EPHA5: variants seen among roughly 807,000 people sequenced by gnomAD.
EPHA5 encodes the protein EPH receptor A5, also known as ephrin type-A receptor 5.
A neutral mutation model predicts 105.0 loss-of-function variants in EPHA5; 60 were observed. The ratio of observed to expected loss-of-function variants is 0.57; its 90% CI spans 0.46 to 0.71. The LOEUF (loss-of-function observed/expected upper bound fraction) is 0.71, where lower values mean the gene tolerates loss of function less well. Ranked by LOEUF, EPHA5 falls within the 30% of genes least tolerant of loss-of-function variation. The pLI, the probability that EPHA5 is intolerant of heterozygous loss-of-function variation, is 0.00. For missense variants in EPHA5, 1,218 were observed against 1,274.7 expected, an observed-to-expected ratio of 0.96 and a Z score of 0.68; for synonymous variants, 513 against 449.1, an observed-to-expected ratio of 1.14 and a Z score of -1.80.
At chr4:65,615,801 A>G (rs970634397) in intron 2 of EPHA5, among the ~76,000 whole-genome samples, 1 of 151,948 alleles carries the variant, frequency 6.6e-6, no homozygotes, top group Non-Finnish European at 1.5e-5. Context: ...AATGCTGATG[A>G]GAAAGTGAAG....
chr4:65,422,162 T>C (rs1724005633), intron 5 of EPHA5, among the ~76,000 whole-genome samples: 1 of 152,096 alleles, frequency 6.6e-6, no homozygotes, highest in Non-Finnish European at 1.5e-5. Flanking sequence ...TTTAAAATAC[T>C]GGTTTAGAAT....
chr4:65,420,610 T>G (rs1366971876), intron 5 of EPHA5, 45 bp from the exon 6 acceptor site: 1 of 1,585,970 alleles, frequency 6.3e-7, no homozygotes, highest in Non-Finnish European at 8.6e-7. Flanking sequence ...AATAAGGCCC[T>G]AAAAGTAAAC....
chr4:65,501,153 A>T (rs77526246), intron 3 of EPHA5, among the ~76,000 whole-genome samples: 7,251 of 151,468 alleles, frequency 0.048, 569 homozygotes, highest in African/African-American at 0.16. Context: ...GGGAATTAAA[A>T]CTCAAAACAT....
At chr4:65,595,811 A>C (rs1199085580) in intron 3 of EPHA5, among the ~76,000 whole-genome samples, 5 of 151,992 alleles carry the variant, frequency 3.3e-5, no homozygotes, top group Non-Finnish European at 5.9e-5. Context: ...CGATCTCCTG[A>C]CCTCGTGATC....
At chr4:65,475,412 A>G (rs1729697553) in intron 5 of EPHA5, among the ~76,000 whole-genome samples, 1 of 152,162 alleles carries the variant, frequency 6.6e-6, no homozygotes, top group South Asian at 2.1e-4. Context: ...TTTGTTTAGA[A>G]TCTAATAAAG....
At chr4:65,574,689 C>CATATATATACATATATATACAT (rs1365298862) in intron 3 of EPHA5, among the ~76,000 whole-genome samples, 12 of 82,952 alleles carry the variant, frequency 1.4e-4, no homozygotes, top group East Asian at 6.7e-4. Flanking sequence ...CATATATATA[C>CATATATATACATATATATACAT]ATATATATAC....
rs1371973951 is a variant in EPHA5 at position 65,669,312 on chromosome 4, AG to A, written c.181+249del. 143 of 854,116 alleles carry A rather than the reference AG, an allele frequency of 1.7e-4. No individual in the cohort carries two copies. In the Admixed American group the frequency reaches 1.8e-3, roughly 11 times the overall value. The allele number at this position is 854,116 out of a possible 1,614,324, so 52.9% of individuals were successfully genotyped here. A position where few individuals can be genotyped will look rare whatever the true frequency, so the allele number is the denominator to read the frequency against. On this transcript the variant is annotated intron_variant, in intron 1 of 16. Coordinates refer to ENST00000613740, the MANE Select transcript of EPHA5 (RefSeq NM_001281766.3). ...TTCCCCCAAGGTTTTCCACCTTCCC[AG>A]CCCCCCAACCAGCCTCTGTCCACAC...
At chr4:65,458,376 T>C (rs554403691) in intron 5 of EPHA5, among the ~76,000 whole-genome samples, 1 of 152,282 alleles carries the variant, frequency 6.6e-6, no homozygotes, top group Non-Finnish European at 1.5e-5. Flanking sequence ...TAGACCATTC[T>C]AAATCTTTTA....
chr4:65,451,535 CACTTTTATAACAATTAA>C (rs1425296573), intron 5 of EPHA5, among the ~76,000 whole-genome samples: 1 of 152,106 alleles, frequency 6.6e-6, no homozygotes, highest in Admixed American at 6.6e-5. Flanking sequence ...GATAGAATTA[CACTTTTATAACAATTAA>C]ACAGCAATAT....
intron 14 of EPHA5, among the ~76,000 whole-genome samples, chr4:65,339,441 C>T (rs778700880): frequency 2.6e-5 from 4 of 152,036 alleles, no homozygotes; most frequent in African/African-American, 7.2e-5. Context: ...ATCATGGATA[C>T]GTTCTGGAAA....
intron 2 of EPHA5, among the ~76,000 whole-genome samples, chr4:65,631,955 A>C (rs1746675270): frequency 6.6e-6 from 1 of 151,820 alleles, no homozygotes; most frequent in African/African-American, 2.4e-5. Flanking sequence ...ATATCTCAAA[A>C]ACCAAACAGA....
At chr4:65,334,313 A>C (rs983070071) in intron 15 of EPHA5, among the ~76,000 whole-genome samples, 5 of 152,054 alleles carry the variant, frequency 3.3e-5, no homozygotes, top group Admixed American at 2.6e-4. Flanking sequence ...ATTTTTAGCC[A>C]TTAGGCATGA....
At chr4:65,616,567 A>G (rs2149468444) in intron 2 of EPHA5, among the ~76,000 whole-genome samples, 1 of 152,094 alleles carries the variant, frequency 6.6e-6, no homozygotes, top group East Asian at 1.9e-4. Context: ...AAAAATTATA[A>G]TTCAGATTTA....
intron 8 of EPHA5, among the ~76,000 whole-genome samples, chr4:65,387,551 T>A (rs1577983470): frequency 6.6e-6 from 1 of 151,924 alleles, no homozygotes; most frequent in Non-Finnish European, 1.5e-5. Context: ...TTGAAATGAT[T>A]AATAATACAT....
At chr4:65,549,985 G>T (rs139544930) in intron 3 of EPHA5, among the ~76,000 whole-genome samples, 15 of 152,006 alleles carry the variant, frequency 9.9e-5, no homozygotes, top group African/African-American at 3.6e-4. Flanking sequence ...CAGTATTTTA[G>T]AATCCTCTAT....
chr4:65,511,095 A>T (rs1416739404), intron 3 of EPHA5, among the ~76,000 whole-genome samples: 3 of 152,174 alleles, frequency 2.0e-5, no homozygotes, highest in Non-Finnish European at 4.4e-5. Flanking sequence ...CAAGAAATGA[A>T]TGACTGGCAC....
intron 10 of EPHA5, 67 bp from the exon 11 acceptor site, chr4:65,365,269 C>A (rs1477723507): frequency 2.4e-6 from 3 of 1,249,086 alleles, no homozygotes; most frequent in Middle Eastern, 1.9e-4. Context: ...CACTTGTATG[C>A]CCTCTTAGAC....
intron 3 of EPHA5, among the ~76,000 whole-genome samples, chr4:65,599,368 C>CACACACACACAG (rs1743487910): frequency 6.6e-6 from 1 of 151,848 alleles, no homozygotes; most frequent in Non-Finnish European, 1.5e-5. Flanking sequence ...CACACACACA[C>CACACACACACAG]ACACACACTC....
intron 8 of EPHA5, among the ~76,000 whole-genome samples, chr4:65,395,879 A>G (rs983407764): frequency 6.6e-6 from 1 of 152,222 alleles, no homozygotes; most frequent in Non-Finnish European, 1.5e-5. Context: ...GTCTGGAATG[A>G]CCACTGCAAA....
Sources: allele counts gnomAD v4.1 joint callset (sites outside exome capture counted in the v4.1 genomes callset), GRCh38; gene constraint gnomAD v4.1.1; transcripts MANE v1.5; gene names NCBI Gene and HGNC (gene_info 2026-07-23, HGNC 2026-07-21).